Variants in USP12 observed in about 807,000 individuals in gnomAD.
The protein encoded by USP12 is ubiquitin specific peptidase 12, also known as ubiquitin carboxyl-terminal hydrolase 12.
USP12 carries 19 observed loss-of-function variants against 45.5 expected under a neutral mutation model. The ratio of observed to expected loss-of-function variants is 0.42; its 90% CI spans 0.29 to 0.61. The LOEUF is 0.61. Ranked by LOEUF, USP12 falls within the 20% of genes least tolerant of loss-of-function variation. The pLI, the probability that USP12 is intolerant of heterozygous loss-of-function variation, is 0.22. For missense variants in USP12, 242 were observed against 447.7 expected, an observed-to-expected ratio of 0.54 and a Z score of 4.15; for synonymous variants, 149 against 148.8, an observed-to-expected ratio of 1.00 and a Z score of -0.01.
intron 1 of USP12, among the ~76,000 whole-genome samples, chr13:27,140,182 A>T (rs987441490): frequency 1.8e-4 from 28 of 152,326 alleles, no homozygotes; most frequent in African/African-American, 6.5e-4. Context: ...AAACAAAAAG[A>T]CATAAAACTC....
chr13:27,154,956 G>C (rs1877750317), intron 1 of USP12, among the ~76,000 whole-genome samples: 1 of 151,216 alleles, frequency 6.6e-6, no homozygotes, highest in Non-Finnish European at 1.5e-5. Flanking sequence ...CATCCAGGTG[G>C]CAAAGGCAAA....
intron 2 of USP12, among the ~76,000 whole-genome samples, chr13:27,108,077 T>C (rs1239129136): frequency 1.3e-5 from 2 of 152,146 alleles, no homozygotes; most frequent in South Asian, 2.1e-4. Context: ...TAAAGACACA[T>C]GCACACATAT....
intron 1 of USP12, among the ~76,000 whole-genome samples, chr13:27,140,784 T>C (rs937716002): frequency 6.6e-6 from 1 of 152,154 alleles, no homozygotes; most frequent in African/African-American, 2.4e-5. Context: ...TTGCAAAATA[T>C]TCATTTGCTC....
chr13:27,149,234 GCTC>G (rs1240104349), intron 1 of USP12, among the ~76,000 whole-genome samples: 1 of 152,114 alleles, frequency 6.6e-6, no homozygotes, highest in Non-Finnish European at 1.5e-5. Context: ...GAGGAAAAGA[GCTC>G]CTCAATCTGA....
At chr13:27,137,765 G>A (rs931278360) in intron 1 of USP12, among the ~76,000 whole-genome samples, 3 of 152,212 alleles carry the variant, frequency 2.0e-5, no homozygotes, top group Non-Finnish European at 4.4e-5. Flanking sequence ...AGTAGAAAAT[G>A]ACGGAAGAGA....
rs528471161 is a variant in USP12 at position 27,089,907 on chromosome 13, C to A, written c.710G>T (p.Arg237Leu). The A allele has an allele frequency of 6.2e-7, 1 of 1,610,252 alleles. No individual in the cohort carries two copies. Among genetic ancestry groups the A allele is most frequent in the Non-Finnish European group, 8.5e-7 (1 of 1,178,424 alleles). Reference protein sequence around the residue: ...SEYKYYCEECRSKQEAHKRMK... With the variant: ...SEYKYYCEECLSKQEAHKRMK... ...CCGTTTGTGTGCTTCCTGTTTGCTG[C>A]GACACTCTTCACAGTAATACTTGTA... The change falls in exon 6 of 9, where the codon CGC becomes CTC. Residue 237 changes from arginine to leucine, a missense_variant. Arg to Leu is a moderately radical substitution (Grantham distance 102). Transcript: ENST00000282344.
intron 6 of USP12, 116 bp from the exon 7 acceptor site, chr13:27,075,504 A>C: frequency 4.6e-6 from 4 of 876,488 alleles, no homozygotes; most frequent in Non-Finnish European, 6.9e-6. Context: ...TTAATAGCCC[A>C]GCAATGCCCA....
At chr13:27,164,761 TA>T (rs1335018633) in intron 1 of USP12, among the ~76,000 whole-genome samples, 1 of 152,186 alleles carries the variant, frequency 6.6e-6, no homozygotes, top group Non-Finnish European at 1.5e-5. Flanking sequence ...ACTCTTCACT[TA>T]CTACTTTCTC....
intron 1 of USP12, among the ~76,000 whole-genome samples, chr13:27,171,388 T>G (rs1051964815): frequency 5.6e-5 from 8 of 143,096 alleles, no homozygotes; most frequent in African/African-American, 1.8e-4. Flanking sequence ...CGGCGCCCCC[T>G]CCCCAGCCGC....
intron 6 of USP12, chr13:27,089,644 T>A (rs1874223535): frequency 2.3e-6 from 1 of 440,596 alleles, no homozygotes; most frequent in Non-Finnish European, 4.1e-6. Flanking sequence ...CTGTACTGGT[T>A]TATGATGATT....
chr13:27,082,788 G>A (rs781454967), intron 6 of USP12, among the ~76,000 whole-genome samples: 39 of 152,172 alleles, frequency 2.6e-4, no homozygotes, highest in Non-Finnish European at 5.1e-4. Flanking sequence ...GTAGGAGGGG[G>A]AAAACGTCAG....
At chr13:27,093,938 A>C (rs542066353) in intron 4 of USP12, among the ~76,000 whole-genome samples, 1 of 152,364 alleles carries the variant, frequency 6.6e-6, no homozygotes, top group South Asian at 2.1e-4. Context: ...AACAGGCTGC[A>C]TACTATATGA....
chr13:27,168,043 TAA>T (rs1213111721), intron 1 of USP12, among the ~76,000 whole-genome samples: 1 of 152,228 alleles, frequency 6.6e-6, no homozygotes, highest in African/African-American at 2.4e-5. Context: ...CTTCAGCAAG[TAA>T]AGTTTACCAT....
chr13:27,124,961 G>T (rs1041176577), intron 1 of USP12, among the ~76,000 whole-genome samples: 1 of 152,184 alleles, frequency 6.6e-6, no homozygotes, highest in African/African-American at 2.4e-5. Flanking sequence ...TAGGCCTTGG[G>T]TTATGTGAAA....
intron 1 of USP12, among the ~76,000 whole-genome samples, chr13:27,146,454 G>T (rs1403343295): frequency 6.6e-6 from 1 of 152,172 alleles, no homozygotes; most frequent in African/African-American, 2.4e-5. Flanking sequence ...GGGGTATAAG[G>T]TAGGGAGAGG....
chr13:27,073,756 CT>C (rs1463065394), intron 7 of USP12, among the ~76,000 whole-genome samples: 1 of 152,192 alleles, frequency 6.6e-6, no homozygotes, highest in Non-Finnish European at 1.5e-5. Context: ...TTACATCTCC[CT>C]TTGAATCCTA....
At chr13:27,069,466 C>G (rs936794096) in intron 8 of USP12, 82 bp from the exon 9 acceptor site, 1 of 995,192 alleles carries the variant, frequency 1.0e-6, no homozygotes, top group African/African-American at 1.6e-5. Context: ...CTGACAATAC[C>G]AAGTATTTGG....
intron 6 of USP12, among the ~76,000 whole-genome samples, chr13:27,083,798 C>T (rs556649089): frequency 6.6e-6 from 1 of 151,906 alleles, no homozygotes; most frequent in South Asian, 2.1e-4. Context: ...TTTTGTGGCA[C>T]ATCATTAACA....
intron 6 of USP12, among the ~76,000 whole-genome samples, chr13:27,080,186 G>A (rs1441061973): frequency 5.3e-5 from 8 of 152,166 alleles, no homozygotes; most frequent in African/African-American, 1.9e-4. Flanking sequence ...CTTCTCAACA[G>A]ATGGAAGGAC....
Sources: gnomAD v4.1 joint callset for allele counts (sites outside exome capture counted in the v4.1 genomes callset) on GRCh38, gnomAD v4.1.1 for gene constraint, MANE v1.5 for transcripts, NCBI Gene and HGNC (gene_info 2026-07-23, HGNC 2026-07-21) for gene names.